The following FGF14 variants were observed in gnomAD, a reference collection of about 807,000 sequenced individuals.
FGF14 encodes fibroblast growth factor homologous factor 4.
Under a neutral mutation model 25.5 loss-of-function variants are expected in FGF14, and 5 were observed. That is an observed-to-expected ratio of 0.20 (90% CI 0.10 to 0.41). FGF14 has a LOEUF of 0.41. Among genes scored for constraint, FGF14 ranks in the 10% least tolerant of loss-of-function variants. The probability of loss-of-function intolerance (pLI) is 1.00; values close to 1 mark genes in which losing one functional copy is unlikely to be tolerated. For synonymous variants in FGF14, 138 were observed against 118.3 expected (o/e 1.17, Z -1.08); for missense variants, 222 against 320.1 (o/e 0.69, Z 2.34).
At chr13:102,199,260 C>T (rs761609118) in intron 1 of FGF14, among the ~76,000 whole-genome samples, 9 of 152,190 alleles carry the variant, frequency 5.9e-5, no homozygotes, top group African/African-American at 1.4e-4. Flanking sequence ...ATAGAGAGTT[C>T]GTCTTTCTTC....
chr13:101,912,902 C>A (rs1474376884), intron 1 of FGF14, among the ~76,000 whole-genome samples: 1 of 152,058 alleles, frequency 6.6e-6, no homozygotes, highest in Non-Finnish European at 1.5e-5. Context: ...CAGTGTATGG[C>A]AAACACTCTC....
intron 3 of FGF14, among the ~76,000 whole-genome samples, chr13:101,755,086 TG>T (rs2037555147): frequency 6.6e-6 from 1 of 152,196 alleles, no homozygotes; most frequent in South Asian, 2.1e-4. Flanking sequence ...CATTACTATA[TG>T]TGATATAGTA....
At chr13:102,341,532 T>G (rs1319502208) in intron 1 of FGF14, among the ~76,000 whole-genome samples, 1 of 152,158 alleles carries the variant, frequency 6.6e-6, no homozygotes, top group African/African-American at 2.4e-5. Context: ...GGCTGTTCTT[T>G]TCCCCTTCCC....
At chr13:102,269,760 C>A (rs777428823) in intron 1 of FGF14, among the ~76,000 whole-genome samples, 11 of 152,018 alleles carry the variant, frequency 7.2e-5, no homozygotes, top group Non-Finnish European at 1.2e-4. Context: ...ATCCCCGCTA[C>A]TCGGGAGAAT....
intron 1 of FGF14, among the ~76,000 whole-genome samples, chr13:102,223,929 T>C (rs2050724176): frequency 6.6e-6 from 1 of 152,152 alleles, no homozygotes; most frequent in Admixed American, 6.6e-5. Flanking sequence ...CTGATATAAA[T>C]GACAGAATAA....
intron 3 of FGF14, among the ~76,000 whole-genome samples, chr13:101,790,728 T>C (rs1296142723): frequency 6.6e-6 from 1 of 152,168 alleles, no homozygotes; most frequent in Non-Finnish European, 1.5e-5. Flanking sequence ...GTTGGTTAAA[T>C]AGTTCTGGGC....
At chr13:101,846,871 G>C (rs983478408) in intron 3 of FGF14, among the ~76,000 whole-genome samples, 6 of 152,060 alleles carry the variant, frequency 3.9e-5, no homozygotes, top group African/African-American at 1.4e-4. Flanking sequence ...GAAGGGCTTA[G>C]AGGAGCCAAG....
intron 1 of FGF14, among the ~76,000 whole-genome samples, chr13:102,373,850 C>T (rs918099096): frequency 3.3e-5 from 5 of 152,122 alleles, no homozygotes; most frequent in African/African-American, 9.7e-5. Flanking sequence ...TGAATGCACA[C>T]TGGAATCACC....
intron 1 of FGF14, among the ~76,000 whole-genome samples, chr13:102,095,331 C>G (rs2044343267): frequency 1.3e-5 from 2 of 152,068 alleles, no homozygotes; most frequent in South Asian, 4.1e-4. Context: ...GCTTCTGAAT[C>G]CGTGCCAGAC....
At chr13:101,761,182 A>G (rs926860711) in intron 3 of FGF14, among the ~76,000 whole-genome samples, 1 of 152,238 alleles carries the variant, frequency 6.6e-6, no homozygotes, top group African/African-American at 2.4e-5. Flanking sequence ...TATGTAGTTT[A>G]CATGTAAAAA....
intron 1 of FGF14, among the ~76,000 whole-genome samples, chr13:102,230,181 A>G (rs1179069207): frequency 6.6e-6 from 1 of 152,170 alleles, no homozygotes; most frequent in Non-Finnish European, 1.5e-5. Context: ...GCTAGAAGTC[A>G]CTGTCTATGA....
intron 1 of FGF14, chr13:102,045,814 ATAGG>A (rs1401285397): frequency 2.0e-5 from 3 of 152,200 alleles, no homozygotes; most frequent in Non-Finnish European, 4.4e-5. Flanking sequence ...TCTGCCATCT[ATAGG>A]ATAGTCTGTC....
chr13:102,317,586 G>C (rs1272352388), intron 1 of FGF14, among the ~76,000 whole-genome samples: 2 of 151,638 alleles, frequency 1.3e-5, no homozygotes, highest in African/African-American at 4.8e-5. Context: ...TTAAACCTTT[G>C]TTTTTTTTCT....
chr13:102,009,342 A>G (rs1001132628), intron 1 of FGF14, among the ~76,000 whole-genome samples: 3 of 152,172 alleles, frequency 2.0e-5, no homozygotes, highest in Non-Finnish European at 4.4e-5. Flanking sequence ...TGATGGCTAA[A>G]TAGTAGTTAA....
intron 1 of FGF14, among the ~76,000 whole-genome samples, chr13:102,165,135 GA>G (rs1293444263): frequency 2.6e-5 from 4 of 152,082 alleles, no homozygotes; most frequent in African/African-American, 7.2e-5. Context: ...ACACCAGTTA[GA>G]ATGGCAATCA....
intron 3 of FGF14, among the ~76,000 whole-genome samples, chr13:101,794,806 G>C (rs1223234483): frequency 6.6e-6 from 1 of 151,960 alleles, no homozygotes; most frequent in Admixed American, 6.6e-5. Flanking sequence ...TCTTTATTAG[G>C]GGAAGTTTAT....
At chr13:101,746,023 T>C (rs1243274743) in intron 3 of FGF14, among the ~76,000 whole-genome samples, 1 of 152,030 alleles carries the variant, frequency 6.6e-6, no homozygotes, top group Non-Finnish European at 1.5e-5. Context: ...ATGTGCAGGA[T>C]AGATGGAGGA....
At chr13:101,864,187 C>T (rs1480848831) in intron 3 of FGF14, among the ~76,000 whole-genome samples, 1 of 152,078 alleles carries the variant, frequency 6.6e-6, no homozygotes, top group African/African-American at 2.4e-5. Context: ...ACAGAGATGA[C>T]CAGTCCCTAT....
chr13:102,388,448 C>A (rs1429768733), intron 1 of FGF14, among the ~76,000 whole-genome samples: 1 of 152,194 alleles, frequency 6.6e-6, no homozygotes, highest in African/African-American at 2.4e-5. Context: ...CTATGACTTC[C>A]AAAAGTCGAT....
Sources: allele counts gnomAD v4.1 joint callset (sites outside exome capture counted in the v4.1 genomes callset), GRCh38; gene constraint gnomAD v4.1.1; transcripts MANE v1.5; gene names NCBI Gene and HGNC (gene_info 2026-07-23, HGNC 2026-07-21).